RSU1: variants seen among roughly 807,000 people sequenced by gnomAD.
The protein encoded by RSU1 is Ras suppressor protein 1, also known as rsu-1.
RSU1 carries 26 observed loss-of-function variants against 31.1 expected under a neutral mutation model. The observed-to-expected ratio is 0.84, with a 90% confidence interval of 0.61 to 1.16. The LOEUF is 1.16. Among genes scored for constraint, RSU1 ranks in the 50% most tolerant of loss-of-function variants. The probability of loss-of-function intolerance (pLI) is 0.00; values close to 1 mark genes in which losing one functional copy is unlikely to be tolerated. For synonymous variants in RSU1, 164 were observed against 136.3 expected, an observed-to-expected ratio of 1.20 and a Z score of -1.41; for missense variants, 320 against 339.1, an observed-to-expected ratio of 0.94 and a Z score of 0.44.
intron 7 of RSU1, among the ~76,000 whole-genome samples, chr10:16,740,908 G>C (rs1836736776): frequency 6.6e-6 from 1 of 152,076 alleles, no homozygotes; most frequent in African/African-American, 2.4e-5. Flanking sequence ...TACAAATTCG[G>C]TGCAATTTCT....
At chr10:16,632,929 C>T (rs1452212921) in intron 8 of RSU1, among the ~76,000 whole-genome samples, 1 of 151,944 alleles carries the variant, frequency 6.6e-6, no homozygotes, top group Admixed American at 6.6e-5. Context: ...TGAGTGAGAT[C>T]CCATCTCAAA....
intron 2 of RSU1, among the ~76,000 whole-genome samples, chr10:16,815,735 C>G (rs79979114): frequency 6.6e-6 from 1 of 152,118 alleles, no homozygotes; most frequent in African/African-American, 2.4e-5. Context: ...GCAATACACA[C>G]GACCACCTTC....
At chr10:16,734,773 T>C (rs1052608577) in intron 7 of RSU1, among the ~76,000 whole-genome samples, 7 of 152,342 alleles carry the variant, frequency 4.6e-5, no homozygotes, top group Admixed American at 3.3e-4. Flanking sequence ...GTTGGTGTTA[T>C]GGGCTGAATT....
intron 3 of RSU1, among the ~76,000 whole-genome samples, chr10:16,769,123 T>C (rs1360594407): frequency 6.6e-6 from 1 of 152,188 alleles, no homozygotes; most frequent in Non-Finnish European, 1.5e-5. Context: ...CTCCCCTCCA[T>C]AGGAAGAATC....
intron 7 of RSU1, among the ~76,000 whole-genome samples, chr10:16,738,367 C>T (rs899782864): frequency 3.9e-5 from 6 of 152,088 alleles, no homozygotes; most frequent in African/African-American, 1.2e-4. Context: ...AGGAGAATGA[C>T]GTGAACCCAG....
chr10:16,720,594 C>T (rs1030062462), intron 7 of RSU1, among the ~76,000 whole-genome samples: 2 of 152,194 alleles, frequency 1.3e-5, no homozygotes, highest in Admixed American at 1.3e-4. Context: ...GCTAGAGTTT[C>T]TCATATAAAT....
intron 8 of RSU1, among the ~76,000 whole-genome samples, chr10:16,649,947 C>G (rs925773973): frequency 1.3e-5 from 2 of 152,166 alleles, no homozygotes; most frequent in African/African-American, 4.8e-5. Context: ...ACACATCTTG[C>G]CATCTAAAAC....
intron 8 of RSU1, among the ~76,000 whole-genome samples, chr10:16,628,817 T>C (rs555888578): frequency 1.3e-5 from 2 of 152,336 alleles, no homozygotes; most frequent in East Asian, 3.9e-4. Flanking sequence ...TAATTCTTAC[T>C]TTTCGTTCAT....
intron 7 of RSU1, among the ~76,000 whole-genome samples, chr10:16,744,655 A>G (rs1333614315): frequency 6.6e-6 from 1 of 152,228 alleles, no homozygotes; most frequent in Non-Finnish European, 1.5e-5. Flanking sequence ...GAAACAACCA[A>G]TGGTCCAACC....
intron 2 of RSU1, among the ~76,000 whole-genome samples, chr10:16,793,885 T>C (rs1001479000): frequency 1.8e-4 from 28 of 151,784 alleles, no homozygotes; most frequent in African/African-American, 6.5e-4. Context: ...AATGTTCTTT[T>C]CCAGGGTCTG....
intron 4 of RSU1, among the ~76,000 whole-genome samples, chr10:16,758,169 A>AC (rs1479836503): frequency 1.6e-5 from 2 of 123,900 alleles, no homozygotes; most frequent in African/African-American, 9.0e-5. Flanking sequence ...GCGGGCAGAA[A>AC]GAAGTCCTTA....
chr10:16,637,390 T>C (rs1473754694), intron 8 of RSU1, among the ~76,000 whole-genome samples: 2 of 152,082 alleles, frequency 1.3e-5, no homozygotes, highest in Non-Finnish European at 2.9e-5. Flanking sequence ...CAGTGAACTT[T>C]GCTCCCCCAT....
chr10:16,594,980 C>T (rs959177961), intron 8 of RSU1, among the ~76,000 whole-genome samples: 2 of 151,948 alleles, frequency 1.3e-5, no homozygotes, highest in Non-Finnish European at 2.9e-5. Flanking sequence ...AATGGGGTTT[C>T]ACCATGTTGG....
intron 7 of RSU1, among the ~76,000 whole-genome samples, chr10:16,746,688 T>C (rs867243371): frequency 2.1e-3 from 236 of 110,770 alleles, no homozygotes; most frequent in African/African-American, 4.1e-3. Context: ...TTTTTTTTTT[T>C]CCTGGGGCTG....
intron 8 of RSU1, among the ~76,000 whole-genome samples, chr10:16,603,499 T>C (rs1833747261): frequency 6.6e-6 from 1 of 152,248 alleles, no homozygotes; most frequent in African/African-American, 2.4e-5. Flanking sequence ...AGGTCCAAGC[T>C]GTCACCAGCA....
chr10:16,783,364 C>CTTTTTT (rs57270890), intron 2 of RSU1, among the ~76,000 whole-genome samples: 1 of 132,072 alleles, frequency 7.6e-6, no homozygotes. Flanking sequence ...ACAACTTTTG[C>CTTTTTT]TTTTTTTTTT....
At chr10:16,782,263 G>A (rs1346088909) in intron 2 of RSU1, among the ~76,000 whole-genome samples, 179 bp from the exon 3 acceptor site, 1 of 152,186 alleles carries the variant, frequency 6.6e-6, no homozygotes, top group Non-Finnish European at 1.5e-5. Flanking sequence ...ACCAAAGGAA[G>A]AAAAGGCATG....
At chr10:16,808,022 CAAAAA>C (rs9331745) in intron 2 of RSU1, among the ~76,000 whole-genome samples, 3 of 116,252 alleles carry the variant, frequency 2.6e-5, no homozygotes, top group African/African-American at 3.0e-5. Flanking sequence ...GACTCTGTCT[CAAAAA>C]AAAAAAAAAA....
At chr10:16,678,722 G>C (rs1378028336) in intron 8 of RSU1, among the ~76,000 whole-genome samples, 1 of 152,058 alleles carries the variant, frequency 6.6e-6, no homozygotes, top group Non-Finnish European at 1.5e-5. Flanking sequence ...GGTACCACAG[G>C]ATAAAGAGTG....
Sources: gnomAD v4.1 joint callset for allele counts (sites outside exome capture counted in the v4.1 genomes callset) on GRCh38, gnomAD v4.1.1 for gene constraint, MANE v1.5 for transcripts, NCBI Gene and HGNC (gene_info 2026-07-23, HGNC 2026-07-21) for gene names.